HOMER3: variants seen among roughly 807,000 people sequenced by gnomAD.
HOMER3 encodes the protein homer scaffold protein 3.
A neutral mutation model predicts 45.5 loss-of-function variants in HOMER3; 34 were observed. That is an observed-to-expected ratio of 0.75 (90% CI 0.57 to 1.00). The LOEUF is 1.00. Ranked by LOEUF, HOMER3 falls within the 50% of genes least tolerant of loss-of-function variation. The pLI is 0.00. For synonymous variants in HOMER3, 223 were observed against 208.8 expected, an observed-to-expected ratio of 1.07 and a Z score of -0.58; for missense variants, 480 against 497.5, an observed-to-expected ratio of 0.96 and a Z score of 0.33.
chr19:18,938,193 A>C (rs1200700262), intron 4 of HOMER3, among the ~76,000 whole-genome samples, 160 bp downstream of exon 4: 1 of 152,050 alleles, frequency 6.6e-6, no homozygotes, highest in Non-Finnish European at 1.5e-5. Flanking sequence ...CTAGGAATCA[A>C]ACCGGGGAAG....
intron 4 of HOMER3, among the ~76,000 whole-genome samples, chr19:18,934,971 A>C (rs1308045492): frequency 6.6e-6 from 1 of 150,378 alleles, no homozygotes; most frequent in African/African-American, 2.5e-5. Flanking sequence ...CCTCATGAGT[A>C]GCTGGGATTA....
chr19:18,932,108 C>T lies in HOMER3; in HGVS notation c.558G>A (p.Glu186=), dbSNP rs773889935. Residue 186 remains glutamate, a synonymous_variant, in exon 7 of 10, where the codon GAG becomes GAA. Transcript: ENST00000392351. Reference sequence around the variant, plus strand: ...TGTCCTGCAGTGCGAAAAACTCGGCCTCCCACTGTACCTCGCCCACGGAGC... The same window carrying T: ...TGTCCTGCAGTGCGAAAAACTCGGCTTCCCACTGTACCTCGCCCACGGAGC... The part of the protein sequence containing the change: ...SEGSVGEVQW[E]AEFFALQDSN... 6 of 1,570,146 alleles carry T rather than the reference C, an allele frequency of 3.8e-6. No individual in the cohort carries two copies. In the African/African-American group the frequency reaches 4.1e-5, roughly 11 times the overall value.
chr19:18,935,224 C>T (rs1367535852), intron 4 of HOMER3, among the ~76,000 whole-genome samples: 3 of 150,320 alleles, frequency 2.0e-5, no homozygotes, highest in Non-Finnish European at 4.4e-5. Flanking sequence ...ACTGCAACCT[C>T]TGCCTCCCAG....
chr19:18,938,990 G>A lies in HOMER3; in HGVS notation c.-8C>T. On this transcript the variant is annotated 5_prime_UTR_variant, in exon 2 of 10. Transcript: ENST00000392351. Reference sequence around the variant, plus strand: ...TCACCTGGCTGTGGACATTGGTCAGGCTGGGATGGGCAGGCTCTAGGGGGC... The same window carrying A: ...TCACCTGGCTGTGGACATTGGTCAGACTGGGATGGGCAGGCTCTAGGGGGC... The A allele has an allele frequency of 1.3e-6, 2 of 1,580,902 alleles. No individual in the cohort carries two copies. The highest frequency in any genetic ancestry group is 1.7e-6 in the Non-Finnish European group (2 of 1,163,428).
intron 7 of HOMER3, 132 bp from the exon 8 acceptor site, chr19:18,931,757 A>AC: frequency 6.1e-6 from 9 of 1,478,604 alleles, no homozygotes; most frequent in South Asian, 1.4e-5. Flanking sequence ...TGGTGCCACC[A>AC]CCCCCCTCTG....
intron 4 of HOMER3, among the ~76,000 whole-genome samples, chr19:18,935,640 T>A (rs2057083438): frequency 6.6e-6 from 1 of 152,208 alleles, no homozygotes; most frequent in Non-Finnish European, 1.5e-5. Context: ...CACCTATTTA[T>A]GACAAAGCAA....
chr19:18,932,419 G>A (rs2057046140), intron 6 of HOMER3, among the ~76,000 whole-genome samples: 2 of 151,586 alleles, frequency 1.3e-5, no homozygotes, highest in African/African-American at 4.9e-5. Context: ...GCTAGGGGGC[G>A]GGGCCAGAGG....
intron 5 of HOMER3, among the ~76,000 whole-genome samples, chr19:18,933,514 C>T (rs1273026671): frequency 1.3e-5 from 2 of 152,144 alleles, no homozygotes; most frequent in Non-Finnish European, 2.9e-5. Context: ...GGGTGCCCTG[C>T]GAGAGGCCAG....
At chr19:18,939,566 G>A (rs1281538789) in intron 1 of HOMER3, 1 of 152,582 alleles carries the variant, frequency 6.6e-6, no homozygotes, top group African/African-American at 2.4e-5. Flanking sequence ...CTGTACAGGA[G>A]ATGGCCCTCT....
intron 7 of HOMER3, 72 bp downstream of exon 7, chr19:18,931,904 G>A (rs73004815): frequency 0.036 from 52,106 of 1,448,048 alleles, 1,157 homozygotes; most frequent in South Asian, 0.063. Flanking sequence ...GGGCAGATGG[G>A]AACTGCCGAG....
rs1259180419 is a variant in HOMER3, at chr19:18,938,427, A to G, written c.229T>C (p.Phe77Leu). 2 of 1,614,136 alleles carry G rather than the reference A, an allele frequency of 1.2e-6. No individual in the cohort carries two copies. The highest frequency in any genetic ancestry group is 1.7e-6 in the Non-Finnish European group (2 of 1,179,988). The change falls in exon 4 of 10, where the codon TTC becomes CTC. Residue 77 changes from phenylalanine to leucine, a missense_variant. Phe to Leu is a conservative substitution (Grantham distance 22). Coordinates refer to ENST00000392351, the MANE Select transcript of HOMER3 (RefSeq NM_004838.4). Reference protein sequence around the residue: ...NMTFTKTSQKFGQWADSRANT... With the variant: ...NMTFTKTSQKLGQWADSRANT... ...GCGCGACTGTCGGCCCACTGCCCGA[A>G]CTTCTGGGAAGTTTTGGTGAAGGTC... is the stretch of plus-strand genomic sequence containing the variant.
chr19:18,929,487 C>T lies in HOMER3; in HGVS notation c.1042G>A (p.Glu348Lys). ...LLDVSLFELS[E>K]LREGLARLAE... ...AGGCGGGCCAGGCCCTCACGCAGCT[C>T]ACTCAGCTCAAACAGGCTGACGTCC... Residue 348 changes from glutamate to lysine, a missense_variant, in exon 10 of 10, where the codon GAG becomes AAG. Glu to Lys is a moderately conservative substitution (Grantham distance 56). Transcript: ENST00000392351. 1 of 1,598,474 alleles carries T rather than the reference C, an allele frequency of 6.3e-7. No homozygotes were observed.
chr19:18,936,848 A>T (rs10407590), intron 4 of HOMER3, among the ~76,000 whole-genome samples: 3 of 151,382 alleles, frequency 2.0e-5, no homozygotes, highest in Non-Finnish European at 2.9e-5. Flanking sequence ...AAAAATTAGC[A>T]GGGCGTGGTG....
chr19:18,931,838 G>A, intron 7 of HOMER3, 138 bp downstream of exon 7: 4 of 1,428,820 alleles, frequency 2.8e-6, no homozygotes, highest in Non-Finnish European at 3.7e-6. Context: ...TACAGAGCAA[G>A]AAACTGAGGC....
At chr19:18,930,766 T>C (rs909176293) in intron 9 of HOMER3, among the ~76,000 whole-genome samples, 3 of 151,968 alleles carry the variant, frequency 2.0e-5, no homozygotes, top group Non-Finnish European at 4.4e-5. Context: ...TCCCAGCACT[T>C]TGGGAGGCCG....
intron 9 of HOMER3, among the ~76,000 whole-genome samples, chr19:18,930,796 T>C (rs530566000): frequency 2.6e-5 from 4 of 151,972 alleles, no homozygotes; most frequent in African/African-American, 9.6e-5. Context: ...AATCATGAGA[T>C]CAGGAGTTGA....
intron 9 of HOMER3, chr19:18,931,103 C>G: frequency 1.9e-6 from 1 of 515,620 alleles, no homozygotes; most frequent in Non-Finnish European, 3.5e-6. Context: ...TTGACGGGGT[C>G]TGGCATGGGA....
At position 18,929,616 on chromosome 19, in the gene HOMER3, C is replaced by T; in HGVS notation, c.913G>A (p.Ala305Thr). 6.6e-7 allele frequency: 1 copy of T among 1,521,916 alleles called. No individual in the cohort carries two copies. 94.3% of individuals were successfully genotyped at this position (1,521,916 alleles called of 1,614,324 possible). ...GCCCGCAGCTGGTGCTCCAACTCCGCATTGCGGGTCTCCAGGTCCTGCCAG... is the reference window on the plus strand; with the variant it reads ...GCCCGCAGCTGGTGCTCCAACTCCGTATTGCGGGTCTCCAGGTCCTGCCAG... Reference protein sequence around the residue: ...QKVQDLETRNAELEHQLRAME... With the variant: ...QKVQDLETRNTELEHQLRAME... Residue 305 changes from alanine (A) to threonine (T), a missense_variant, in exon 10 of 10, where the codon GCG (alanine) becomes ACG (threonine). By Grantham distance (58) the Ala-to-Thr change is moderately conservative. Coordinates refer to ENST00000392351, the MANE Select transcript of HOMER3 (RefSeq NM_004838.4).
chr19:18,938,704 G>GGCCCCCCCACA, intron 3 of HOMER3, 24 bp downstream of exon 3: 1 of 1,561,852 alleles, frequency 6.4e-7, no homozygotes, highest in Non-Finnish European at 8.7e-7. Context: ...TGGTGCCTCT[G>GGCCCCCCCACA]CCCCACCCAG....
Sources: allele counts gnomAD v4.1 joint callset (sites outside exome capture counted in the v4.1 genomes callset), GRCh38; gene constraint gnomAD v4.1.1; transcripts MANE v1.5; gene names NCBI Gene and HGNC (gene_info 2026-07-23, HGNC 2026-07-21).